Variants in MEGF6 observed in about 807,000 individuals in gnomAD.
MEGF6 encodes the protein multiple epidermal growth factor-like domains protein 6.
Under a neutral mutation model 207.1 loss-of-function variants are expected in MEGF6, and 184 were observed. The observed-to-expected ratio is 0.89, with a 90% CI of 0.79 to 1.00. The LOEUF (loss-of-function observed/expected upper bound fraction) is 1.00. Among genes scored for constraint, MEGF6 ranks in the 50% least tolerant of loss-of-function variants. MEGF6 has a pLI of 0.00. For synonymous variants in MEGF6, 1,038 were observed against 910.0 expected, an observed-to-expected ratio of 1.14 and a Z score of -2.53; for missense variants, 2,282 against 2,202.9, an observed-to-expected ratio of 1.04 and a Z score of -0.72.
At chr1:3,589,402 C>T (rs2101815693) in intron 3 of MEGF6, among the ~76,000 whole-genome samples, 1 of 152,274 alleles carries the variant, frequency 6.6e-6, no homozygotes, top group Non-Finnish European at 1.5e-5. Context: ...TTGCTCCAGC[C>T]ACAAGATCCT....
chr1:3,561,258 C>CG (rs367685811), intron 4 of MEGF6, among the ~76,000 whole-genome samples: 2 of 152,134 alleles, frequency 1.3e-5, no homozygotes, highest in East Asian at 1.9e-4. Flanking sequence ...GCAAGGGCTA[C>CG]GGGGCACTCA....
At position 3,490,996 on chromosome 1, in the gene MEGF6, C is replaced by T. The variant is rs74050547; in HGVS notation, c.4517-37G>A. On this transcript the variant is annotated intron_variant, in intron 35 of 36. Coordinates refer to ENST00000356575, the MANE Select transcript of MEGF6 (RefSeq NM_001409.4). Reference sequence around the variant, plus strand: ...AGAGAGCAGGCCATGTTAGTACCCCCAGCCTTGAGTGAGCCACAGTAATGG... The same window carrying T: ...AGAGAGCAGGCCATGTTAGTACCCCTAGCCTTGAGTGAGCCACAGTAATGG... The T allele has an allele frequency of 8.5e-3, 13,097 of 1,549,730 alleles. 1,016 individuals are homozygous for T. The African/African-American group carries it at 0.16, about 19-fold the overall frequency.
At chr1:3,620,312 C>A in the MEGF6 span, among the ~76,000 whole-genome samples, 1 of 152,236 alleles carries the variant, frequency 6.6e-6, no homozygotes, top group Non-Finnish European at 1.5e-5. Context: ...GGGAGAAATT[C>A]AAGCCATCAG....
chr1:3,495,887 C>A lies in MEGF6; in HGVS notation c.3871+3G>T, dbSNP rs1640577294. ...GAGCATGCCCTCTGGAGTGAACACT[C>A]ACCTCGCTCACAGCGGACGCCGGCT... On this transcript the variant is annotated splice_donor_region_variant and intron_variant, in intron 30 of 36. Coordinates refer to ENST00000356575, the MANE Select transcript of MEGF6 (RefSeq NM_001409.4). 6.3e-7 allele frequency: 1 copy of A among 1,598,084 alleles called. No homozygotes were observed. The highest frequency in any genetic ancestry group is 1.3e-5 in the African/African-American group (1 of 74,902).
Position 3,490,415 on chromosome 1 carries a change from G to A in MEGF6, c.*113C>T, listed in dbSNP as rs1157855205. 8.4e-7 allele frequency: 1 copy of A among 1,196,176 alleles called. No individual in the cohort carries two copies. Among genetic ancestry groups the A allele is most frequent in the East Asian group, 2.5e-5 (1 of 39,634 alleles). The allele number at this position is 1,196,176 out of a possible 1,614,324, so 74.1% of individuals were successfully genotyped here. On this transcript the variant is annotated 3_prime_UTR_variant, in exon 37 of 37. Transcript: ENST00000356575. ...CCACAGCCCTCCACGGCCCTCAAAG[G>A]AAGGGCAGTACCAGGAGCTCTGGGC...
rs116303542 is a variant in MEGF6 at position 3,520,252 on chromosome 1, G to A, written c.604+3872C>T. Among the ~76,000 whole-genome samples, 182 of 152,344 alleles carry A rather than the reference G, an allele frequency of 1.2e-3. 1 individual carries two copies. Among genetic ancestry groups the A allele is most frequent in the African/African-American group, 4.3e-3 (177 of 41,580 alleles). On this transcript the variant is annotated intron_variant, in intron 5 of 36. Transcript: ENST00000356575. ...GTCCAGAGTCAGCCAGGCCGCCTCCGGGGTCATGCGCGGGCATCATGCTGG... is the reference window on the plus strand; with the variant it reads ...GTCCAGAGTCAGCCAGGCCGCCTCCAGGGTCATGCGCGGGCATCATGCTGG...
At chr1:3,553,154 A>C in intron 4 of MEGF6, among the ~76,000 whole-genome samples, 2 of 151,202 alleles carry the variant, frequency 1.3e-5, no homozygotes, top group South Asian at 2.1e-4. Flanking sequence ...GCCCCATCAC[A>C]AGCCCCGCCC....
intron 13 of MEGF6, among the ~76,000 whole-genome samples, 189 bp from the exon 14 acceptor site, chr1:3,508,112 A>G (rs1160376510): frequency 2.6e-5 from 4 of 152,110 alleles, no homozygotes; most frequent in Non-Finnish European, 5.9e-5. Context: ...CTCTCTGAAC[A>G]CCAGCAGAGA....
chr1:3,540,020 GCCCTCC>G (rs1642463284), intron 4 of MEGF6, among the ~76,000 whole-genome samples: 1 of 152,182 alleles, frequency 6.6e-6, no homozygotes. Flanking sequence ...CAGCCCTTCA[GCCCTCC>G]GTGTTTATCT....
chr1:3,555,607 A>G (rs964446002), intron 4 of MEGF6, among the ~76,000 whole-genome samples: 1 of 152,008 alleles, frequency 6.6e-6, no homozygotes, highest in Non-Finnish European at 1.5e-5. Flanking sequence ...TGTGGTTCTC[A>G]TGGCTGCAAA....
intron 4 of MEGF6, among the ~76,000 whole-genome samples, chr1:3,555,555 T>C (rs1010763852): frequency 6.6e-6 from 1 of 152,242 alleles, no homozygotes; most frequent in African/African-American, 2.4e-5. Flanking sequence ...TCCTGGGGTC[T>C]GGCCTGCGGC....
At chr1:3,580,029 G>A (rs887463519) in intron 3 of MEGF6, 100 bp from the exon 4 acceptor site, 1 of 798,394 alleles carries the variant, frequency 1.3e-6, no homozygotes, top group Non-Finnish European at 1.9e-6. Context: ...CACCCAGCCT[G>A]CCAGGTCCCC....
Position 3,514,680 on chromosome 1 carries a change from C to T in MEGF6, c.731-8G>A. 1.3e-6 allele frequency: 2 copies of T among 1,568,810 alleles called. No individual in the cohort carries two copies. Among genetic ancestry groups the T allele is most frequent in the Non-Finnish European group, 1.7e-6 (2 of 1,159,342 alleles). On this transcript the variant is annotated splice_region_variant and splice_polypyrimidine_tract_variant and intron_variant, in intron 6 of 36. Transcript: ENST00000356575. Reference sequence around the variant, plus strand: ...TGGCACACGGGCTTCTACCTGCAGCCACGGGCCCGAGGAGGGGGTTGGGGA... The same window carrying T: ...TGGCACACGGGCTTCTACCTGCAGCTACGGGCCCGAGGAGGGGGTTGGGGA...
intron 5 of MEGF6, among the ~76,000 whole-genome samples, chr1:3,523,633 G>A (rs750285859): frequency 1.3e-5 from 2 of 152,148 alleles, no homozygotes; most frequent in African/African-American, 2.4e-5. Context: ...CTCTGCGGGC[G>A]AAGGGTGTCC....
intron 4 of MEGF6, among the ~76,000 whole-genome samples, chr1:3,576,173 G>GCGC (rs1380498517): frequency 6.6e-6 from 1 of 152,250 alleles, no homozygotes; most frequent in African/African-American, 2.4e-5. Context: ...GGCCTGCCCA[G>GCGC]CGCCGGGCCC....
chr1:3,515,620 ACTTCT>A, intron 5 of MEGF6, 93 bp from the exon 6 acceptor site: 1 of 1,481,050 alleles, frequency 6.8e-7, no homozygotes. Flanking sequence ...TGGCATGGCC[ACTTCT>A]TCCTGCTGTA....
chr1:3,517,593 A>C (rs943277212), intron 5 of MEGF6, among the ~76,000 whole-genome samples: 2 of 152,234 alleles, frequency 1.3e-5, no homozygotes, highest in African/African-American at 4.8e-5. Flanking sequence ...CTGCGTGGCC[A>C]GTGCCCAGCA....
chr1:3,491,269 C>T (rs1188849309), intron 35 of MEGF6, among the ~76,000 whole-genome samples: 1 of 152,130 alleles, frequency 6.6e-6, no homozygotes, highest in Non-Finnish European at 1.5e-5. Context: ...TCCCCACGCC[C>T]AGCAACACAC....
intron 4 of MEGF6, among the ~76,000 whole-genome samples, chr1:3,575,334 T>A (rs1643611766): frequency 1.3e-5 from 2 of 152,204 alleles, no homozygotes; most frequent in East Asian, 3.9e-4. Context: ...CCCAAAGTCC[T>A]CCCAGGGACA....
Sources: allele counts gnomAD v4.1 joint callset (sites outside exome capture counted in the v4.1 genomes callset), GRCh38; gene constraint gnomAD v4.1.1; transcripts MANE v1.5; gene names NCBI Gene and HGNC (gene_info 2026-07-23, HGNC 2026-07-21).